The following AOX1 variants were observed in gnomAD, a reference collection of about 807,000 sequenced individuals.
AOX1 encodes the protein aldehyde oxidase.
In AOX1, 153 loss-of-function variants were observed where a neutral mutation model predicts 169.5. That is an observed-to-expected ratio of 0.90 (90% CI 0.79 to 1.03). The LOEUF (loss-of-function observed/expected upper bound fraction) is 1.03. Ranked by LOEUF, AOX1 falls within the 50% of genes least tolerant of loss-of-function variation. The pLI is 0.00. For missense variants in AOX1, 1,656 were observed against 1,663.9 expected (o/e 1.00, Z 0.08); for synonymous variants, 562 against 581.9 (o/e 0.97, Z 0.49).
intron 13 of AOX1, among the ~76,000 whole-genome samples, 187 bp downstream of exon 13, chr2:200,611,680 T>TGCCC (rs1212001883): frequency 1.3e-5 from 2 of 151,686 alleles, no homozygotes; most frequent in East Asian, 3.9e-4. Flanking sequence ...GTATTACGCA[T>TGCCC]GCCCCTATCA....
At chr2:200,599,216 C>T (rs924581983) in intron 4 of AOX1, among the ~76,000 whole-genome samples, 21 of 152,046 alleles carry the variant, frequency 1.4e-4, no homozygotes, top group Non-Finnish European at 2.8e-4. Flanking sequence ...TGGTTTATTT[C>T]TCTGAAGGAT....
chr2:200,645,433 T>G (rs2035432727), intron 25 of AOX1, among the ~76,000 whole-genome samples: 1 of 152,172 alleles, frequency 6.6e-6, no homozygotes, highest in African/African-American at 2.4e-5. Flanking sequence ...TTGATAATGG[T>G]GGATTATGTT....
chr2:200,675,404 C>T (rs1219670549), downstream of AOX1, among the ~76,000 whole-genome samples: 2 of 152,120 alleles, frequency 1.3e-5, no homozygotes, highest in African/African-American at 4.8e-5. Flanking sequence ...TAGAGAAATG[C>T]CTACTATGAA....
chr2:200,602,432 C>A, intron 6 of AOX1, 87 bp downstream of exon 6: 1 of 1,126,312 alleles, frequency 8.9e-7, no homozygotes, highest in Non-Finnish European at 1.3e-6. Context: ...GGGCAGCCAT[C>A]TTACTAATAC....
chr2:200,630,977 T>C (rs2035114140), intron 20 of AOX1, among the ~76,000 whole-genome samples: 2 of 151,754 alleles, frequency 1.3e-5, no homozygotes. Context: ...AACCTGCACA[T>C]CCTGCACATG....
At chr2:200,638,607 C>T (rs1247706491) in intron 23 of AOX1, among the ~76,000 whole-genome samples, 2 of 152,124 alleles carry the variant, frequency 1.3e-5, no homozygotes, top group East Asian at 3.8e-4. Context: ...GATCTGATTA[C>T]CATACTTCTT....
At chr2:200,676,071 G>A (rs116046422), downstream of AOX1, among the ~76,000 whole-genome samples, 2,812 of 152,150 alleles carry the variant, frequency 0.018, 37 homozygotes, top group Non-Finnish European at 0.032. Context: ...AGACGCACAG[G>A]AATCTGATAC....
At position 200,668,626 on chromosome 2, in the gene AOX1, A is replaced by C. The variant is rs373399764; in HGVS notation, c.3621A>C (p.Ala1207=). ...PAIDIGQIEG[A]FIQGMGLYTI... ...TGTTCTTGCCTCAGATTGAAGGTGC[A>C]TTTATTCAAGGCATGGGACTTTATA... Residue 1207 remains alanine (A), a synonymous_variant, in exon 33 of 35, where the codon GCA becomes GCC. Coordinates refer to ENST00000374700, the MANE Select transcript of AOX1 (RefSeq NM_001159.4). The C allele has an allele frequency of 1.7e-5, 28 of 1,603,998 alleles. No homozygotes were observed. In the Admixed American group the frequency reaches 4.0e-4, roughly 23 times the overall value.
At chr2:200,606,600 C>G (rs768181035) in intron 10 of AOX1, among the ~76,000 whole-genome samples, 5 of 152,138 alleles carry the variant, frequency 3.3e-5, no homozygotes, top group Non-Finnish European at 7.4e-5. Flanking sequence ...GGTATTGATT[C>G]TTCCTATCCA....
rs1287123940 is a variant in AOX1 at position 200,595,324 on chromosome 2, T to C, written c.156T>C (p.Cys52=). Residue 52 remains cysteine (C), a synonymous_variant, in exon 3 of 35, where the codon TGT becomes TGC. Coordinates refer to ENST00000374700, the MANE Select transcript of AOX1 (RefSeq NM_001159.4). The stretch of plus-strand genomic sequence containing the variant: ...GTGGAGGAGGAGGCTGTGGTGCTTG[T>C]ACAGTGATGATATCACGATACAACC... The part of the protein sequence containing the change: ...YGCGGGGCGA[C]TVMISRYNPI... 1.2e-6 allele frequency: 2 copies of C among 1,613,086 alleles called. No individual in the cohort carries two copies. The highest frequency in any genetic ancestry group is 2.7e-5 in the African/African-American group (2 of 74,866).
chr2:200,645,061 G>T (rs953206879), intron 25 of AOX1, among the ~76,000 whole-genome samples: 1 of 152,108 alleles, frequency 6.6e-6, no homozygotes, highest in Non-Finnish European at 1.5e-5. Flanking sequence ...GATTGCTCTA[G>T]CTAGGATTTC....
intron 6 of AOX1, 31 bp downstream of exon 6, chr2:200,602,376 G>GT (rs1453095641): frequency 6.9e-6 from 11 of 1,597,518 alleles, no homozygotes; most frequent in Middle Eastern, 1.7e-4. Flanking sequence ...GTTTGAGTAT[G>GT]TTTTCCCCAG....
chr2:200,657,165 A>AATATATATAT (rs1553578034), intron 27 of AOX1, among the ~76,000 whole-genome samples: 2 of 88,402 alleles, frequency 2.3e-5, no homozygotes, highest in Non-Finnish European at 4.0e-5. Flanking sequence ...CTCTACCAAA[A>AATATATATAT]ATATATATAT....
At chr2:200,597,357 A>G (rs748399090) in intron 3 of AOX1, 40 bp from the exon 4 acceptor site, 1 of 1,477,970 alleles carries the variant, frequency 6.8e-7, no homozygotes, top group Admixed American at 1.8e-5. Flanking sequence ...ACTGTATGCG[A>G]CATAATTTGT....
chr2:200,627,495 A>G (rs1435836412), intron 20 of AOX1, 46 bp downstream of exon 20: 2 of 1,394,544 alleles, frequency 1.4e-6, no homozygotes, highest in African/African-American at 2.8e-5. Context: ...TCTTCTAAGC[A>G]TGTCAGTTTA....
chr2:200,587,346 T>C lies in AOX1; in HGVS notation c.45+1193T>C, dbSNP rs1456445048. On this transcript the variant is annotated intron_variant, in intron 1 of 34. Transcript: ENST00000374700. ...CAAGAGCAGTGGCACCTGATTTCCC[T>C]GGTGCTCGTGTTGGTGCCGGTTCAT... Among the ~76,000 whole-genome samples the C allele has an allele frequency of 3.3e-5, 5 of 152,278 alleles. No homozygotes were observed. The East Asian group carries it at 9.6e-4, about 29-fold the overall frequency.
chr2:200,641,077 G>A (rs370815147), intron 23 of AOX1, 21 bp from the exon 24 acceptor site: 90 of 1,598,388 alleles, frequency 5.6e-5, no homozygotes, highest in Non-Finnish European at 5.0e-5. Context: ...TCCAGCATTC[G>A]ATATCGGTTC....
chr2:200,630,532 A>G (rs1221337322), intron 20 of AOX1, among the ~76,000 whole-genome samples: 2 of 140,616 alleles, frequency 1.4e-5, no homozygotes, highest in East Asian at 2.1e-4. Context: ...AAAAAGATGG[A>G]TGGATGGAAG....
chr2:200,656,891 A>G lies in AOX1; in HGVS notation c.3125A>G (p.His1042Arg), dbSNP rs530086359. The G allele has an allele frequency of 1.7e-5, 27 of 1,585,118 alleles. No homozygotes were observed. In the South Asian group the frequency reaches 2.9e-4, roughly 17 times the overall value. Residue 1042 changes from histidine (H) to arginine (R), a missense_variant, in exon 27 of 35, where the codon CAC becomes CGC. Coordinates refer to ENST00000374700, the MANE Select transcript of AOX1 (RefSeq NM_001159.4). ...IYLDGSVLVT[H>R]GGIEMGQGVH... ...CTTGATGGCTCTGTGCTGGTCACTC[A>G]CGGTGGAATTGAAATGGGGCAGGGG...
Sources: allele counts gnomAD v4.1 joint callset (sites outside exome capture counted in the v4.1 genomes callset), GRCh38; gene constraint gnomAD v4.1.1; transcripts MANE v1.5; gene names NCBI Gene and HGNC (gene_info 2026-07-23, HGNC 2026-07-21).